The following MAPK10 variants were observed in gnomAD, a reference collection of about 807,000 sequenced individuals.
MAPK10 encodes the protein JNK3 alpha protein kinase.
A neutral mutation model predicts 59.3 loss-of-function variants in MAPK10; 25 were observed. The observed-to-expected ratio is 0.42, with a 90% confidence interval of 0.31 to 0.59. MAPK10 has a LOEUF of 0.59. Ranked by LOEUF, MAPK10 falls within the 20% of genes least tolerant of loss-of-function variation. The pLI, the probability that MAPK10 is intolerant of heterozygous loss-of-function variation, is 0.15. For synonymous variants in MAPK10, 190 were observed against 200.5 expected (o/e 0.95, Z 0.44); for missense variants, 351 against 568.9 (o/e 0.62, Z 3.90).
At chr4:86,187,040 C>T (rs1439517530) in intron 3 of MAPK10, among the ~76,000 whole-genome samples, 1 of 152,052 alleles carries the variant, frequency 6.6e-6, no homozygotes, top group East Asian at 1.9e-4. Context: ...CTGACTACCA[C>T]CTGTATATTA....
intron 1 of MAPK10, among the ~76,000 whole-genome samples, chr4:86,380,963 G>A (rs141763367): frequency 0.011 from 1,718 of 151,876 alleles, 14 homozygotes; most frequent in Middle Eastern, 0.021. Context: ...TCTAATAGAC[G>A]CCTCATTTGT....
intron 1 of MAPK10, among the ~76,000 whole-genome samples, chr4:86,575,885 C>T (rs1216505576): frequency 6.6e-6 from 1 of 151,366 alleles, no homozygotes; most frequent in Non-Finnish European, 1.5e-5. Context: ...GAGAAGATAA[C>T]AATAAACAGA....
chr4:86,307,725 G>T (rs942500225), intron 2 of MAPK10, among the ~76,000 whole-genome samples: 23 of 152,154 alleles, frequency 1.5e-4, no homozygotes, highest in Non-Finnish European at 2.8e-4. Flanking sequence ...TGGGCAAATA[G>T]GGGACATTAA....
chr4:86,359,288 C>CTGTGTGTGTGTG (rs1554248575), intron 1 of MAPK10, among the ~76,000 whole-genome samples: 16 of 94,632 alleles, frequency 1.7e-4, no homozygotes, highest in African/African-American at 8.5e-4. Flanking sequence ...CTCTCTCTCT[C>CTGTGTGTGTGTG]TGTGTGTGTG....
chr4:86,500,954 T>C (rs2149079166), intron 1 of MAPK10, among the ~76,000 whole-genome samples: 1 of 152,130 alleles, frequency 6.6e-6, no homozygotes, highest in African/African-American at 2.4e-5. Context: ...TTTTTTTCTC[T>C]GATAAGTATT....
chr4:86,359,777 A>C lies in MAPK10; in HGVS notation c.-241T>G, dbSNP rs1169324407. The C allele has an allele frequency of 8.1e-5, 80 of 985,572 alleles. No homozygotes were observed. The highest frequency in any genetic ancestry group is 9.2e-5 in the Non-Finnish European group (76 of 829,850). The allele number at this position is 985,572 out of a possible 1,614,324, so 61.1% of individuals were successfully genotyped here. ...TGGAAGAGATTCTTTGGAGATATGG[A>C]GATTGTTTAAAATTAACGATGGACA... is the stretch of plus-strand genomic sequence containing the variant. On this transcript the variant is annotated 5_prime_UTR_variant, in exon 1 of 14. Transcript: ENST00000641462.
At chr4:86,449,485 C>A (rs1750437415) in intron 1 of MAPK10, among the ~76,000 whole-genome samples, 1 of 152,086 alleles carries the variant, frequency 6.6e-6, no homozygotes, top group African/African-American at 2.4e-5. Context: ...TTCAATTTAC[C>A]ATAGTACCAT....
intron 1 of MAPK10, among the ~76,000 whole-genome samples, chr4:86,423,987 A>T (rs1355342320): frequency 6.6e-6 from 1 of 151,952 alleles, no homozygotes; most frequent in Non-Finnish European, 1.5e-5. Flanking sequence ...TTATTATAAT[A>T]TTCATATGTA....
chr4:86,068,285 CAT>C (rs2047122483), intron 9 of MAPK10, among the ~76,000 whole-genome samples: 1 of 152,082 alleles, frequency 6.6e-6, no homozygotes, highest in South Asian at 2.1e-4. Flanking sequence ...CTATATAAAT[CAT>C]GTGATTCAGA....
At chr4:86,083,763 G>T (rs1013123507) in intron 9 of MAPK10, among the ~76,000 whole-genome samples, 1 of 152,080 alleles carries the variant, frequency 6.6e-6, no homozygotes, top group Admixed American at 6.5e-5. Context: ...TACCCCCATG[G>T]TGCATAGCTC....
At chr4:86,085,139 ATCT>A (rs1221400800) in intron 9 of MAPK10, among the ~76,000 whole-genome samples, 4 of 152,362 alleles carry the variant, frequency 2.6e-5, no homozygotes, top group African/African-American at 7.2e-5. Context: ...CAAATTATCA[ATCT>A]TCTTTAAGAA....
intron 1 of MAPK10, among the ~76,000 whole-genome samples, chr4:86,582,949 TAATC>T (rs1762404092): frequency 6.6e-6 from 1 of 151,614 alleles, no homozygotes; most frequent in Non-Finnish European, 1.5e-5. Context: ...AAAAACCAAA[TAATC>T]ATTTAAAATT....
intron 2 of MAPK10, among the ~76,000 whole-genome samples, chr4:86,283,891 T>C (rs2094909641): frequency 6.6e-6 from 1 of 152,204 alleles, no homozygotes; most frequent in African/African-American, 2.4e-5. Flanking sequence ...CCATGAGATG[T>C]TATCTGTGCT....
chr4:86,436,544 T>G (rs1407492576), intron 1 of MAPK10, among the ~76,000 whole-genome samples: 3 of 152,166 alleles, frequency 2.0e-5, no homozygotes, highest in African/African-American at 7.2e-5. Context: ...TTTTTAAATT[T>G]TCATATTCTA....
At chr4:86,035,598 G>A (rs541542197) in intron 11 of MAPK10, among the ~76,000 whole-genome samples, 2 of 151,322 alleles carry the variant, frequency 1.3e-5, no homozygotes, top group South Asian at 2.1e-4. Flanking sequence ...GAGGGTGAAC[G>A]AAAGACACAG....
chr4:86,412,868 G>A (rs1274800002), intron 1 of MAPK10, among the ~76,000 whole-genome samples: 1 of 152,116 alleles, frequency 6.6e-6, no homozygotes, highest in African/African-American at 2.4e-5. Flanking sequence ...GCTTGGAGAA[G>A]TTTGTTATTA....
intron 1 of MAPK10, among the ~76,000 whole-genome samples, chr4:86,583,233 C>T (rs1762427274): frequency 6.6e-6 from 1 of 151,946 alleles, no homozygotes; most frequent in African/African-American, 2.4e-5. Flanking sequence ...CTGTATCAGC[C>T]AGGATGGTCT....
chr4:86,358,897 G>C (rs1282064545), intron 1 of MAPK10: 2 of 151,854 alleles, frequency 1.3e-5, no homozygotes, highest in African/African-American at 2.4e-5. Flanking sequence ...ATGAAAAAAA[G>C]AAAGCTGACT....
At chr4:86,083,565 G>A (rs2149034739) in intron 9 of MAPK10, among the ~76,000 whole-genome samples, 1 of 152,252 alleles carries the variant, frequency 6.6e-6, no homozygotes, top group Middle Eastern at 3.4e-3. Flanking sequence ...TACCACTGCA[G>A]GCTAAACTGC....
Sources: gnomAD v4.1 joint callset for allele counts (sites outside exome capture counted in the v4.1 genomes callset) on GRCh38, gnomAD v4.1.1 for gene constraint, MANE v1.5 for transcripts, NCBI Gene and HGNC (gene_info 2026-07-23, HGNC 2026-07-21) for gene names.